CCBE1: variants seen among roughly 807,000 people sequenced by gnomAD.
The protein encoded by CCBE1 is collagen and calcium-binding EGF domain-containing protein 1.
CCBE1 carries 37 observed loss-of-function variants against 50.0 expected under a neutral mutation model. The observed-to-expected ratio is 0.74, with a 90% CI of 0.57 to 0.97. The LOEUF (loss-of-function observed/expected upper bound fraction) is 0.97. CCBE1 is among the 50% of genes least tolerant of loss of function. The pLI, the probability that CCBE1 is intolerant of heterozygous loss-of-function variation, is 0.00. For synonymous variants in CCBE1, 234 were observed against 203.7 expected (o/e 1.15, Z -1.27); for missense variants, 538 against 523.8 (o/e 1.03, Z -0.26).
At chr18:59,438,353 C>A (rs1210590694) in intron 9 of CCBE1, among the ~76,000 whole-genome samples, 1 of 152,218 alleles carries the variant, frequency 6.6e-6, no homozygotes, top group Non-Finnish European at 1.5e-5. Context: ...TGATTTCCCT[C>A]AAGCCCATCT....
intron 2 of CCBE1, among the ~76,000 whole-genome samples, chr18:59,634,960 A>G (rs915884324): frequency 4.6e-5 from 7 of 152,192 alleles, no homozygotes; most frequent in Non-Finnish European, 8.8e-5. Context: ...TAGAAACCCA[A>G]GAGAAAGAAG....
chr18:59,495,018 G>A (rs941823555), intron 2 of CCBE1, among the ~76,000 whole-genome samples: 20 of 152,158 alleles, frequency 1.3e-4, no homozygotes, highest in Non-Finnish European at 2.6e-4. Context: ...AGCGAGGCAT[G>A]TTGTCCCAGT....
intron 2 of CCBE1, among the ~76,000 whole-genome samples, chr18:59,539,157 T>C (rs905820461): frequency 2.7e-5 from 4 of 150,050 alleles, no homozygotes; most frequent in African/African-American, 7.4e-5. Context: ...TCCTGGGCTA[T>C]AGGGCAGGAC....
rs1004096755 is a variant in CCBE1, at chr18:59,461,556, G to A, written c.553+5183C>T. Among the ~76,000 whole-genome samples, 4 of 152,002 alleles carry A rather than the reference G, an allele frequency of 2.6e-5. 1 individual carries two copies. The East Asian group carries it at 7.7e-4, about 29-fold the overall frequency. On this transcript the variant is annotated intron_variant, in intron 5 of 10. Transcript: ENST00000439986. ...ATCAAATGCTAGTCCTCTGTGCATA[G>A]GTGATAAATTCAGTGGAGACAAATT...
chr18:59,437,583 T>G (rs973727125), intron 10 of CCBE1, among the ~76,000 whole-genome samples: 5 of 152,238 alleles, frequency 3.3e-5, no homozygotes, highest in African/African-American at 1.2e-4. Flanking sequence ...TGGTTTGAAT[T>G]TTCTATGCTT....
At chr18:59,641,444 T>G (rs1350251581) in intron 2 of CCBE1, among the ~76,000 whole-genome samples, 1 of 152,054 alleles carries the variant, frequency 6.6e-6, no homozygotes, top group Non-Finnish European at 1.5e-5. Context: ...TGGGGCCTGC[T>G]TGAGGGTGGA....
intron 2 of CCBE1, among the ~76,000 whole-genome samples, chr18:59,620,741 C>G (rs28581760): frequency 2.0e-5 from 3 of 152,168 alleles, no homozygotes; most frequent in Non-Finnish European, 4.4e-5. Context: ...CATCCCTTTG[C>G]TCTTCCTTCT....
At chr18:59,619,597 C>A (rs529396279) in intron 2 of CCBE1, among the ~76,000 whole-genome samples, 1 of 152,068 alleles carries the variant, frequency 6.6e-6, no homozygotes. Flanking sequence ...ATGATTTATC[C>A]GGCTCCATTT....
At chr18:59,686,510 A>G (rs1213160655) in intron 2 of CCBE1, among the ~76,000 whole-genome samples, 1 of 152,256 alleles carries the variant, frequency 6.6e-6, no homozygotes, top group African/African-American at 2.4e-5. Flanking sequence ...AAGACAAGCT[A>G]GAACAGCTTC....
chr18:59,563,074 C>T (rs62092934), intron 2 of CCBE1, among the ~76,000 whole-genome samples: 30,269 of 152,058 alleles, frequency 0.2, 3,083 homozygotes, highest in Non-Finnish European at 0.21. Context: ...TAGACTAGGA[C>T]GACAGAAGAG....
chr18:59,672,854 G>A (rs542006157), intron 2 of CCBE1, among the ~76,000 whole-genome samples: 4 of 152,292 alleles, frequency 2.6e-5, no homozygotes, highest in African/African-American at 7.2e-5. Context: ...CTGCGGTGGG[G>A]GGAAGGGTGG....
rs575819562 is a variant in CCBE1, at chr18:59,603,150, A to G, written c.212+93479T>C. On this transcript the variant is annotated intron_variant, in intron 2 of 10. Coordinates refer to ENST00000439986, the MANE Select transcript of CCBE1 (RefSeq NM_133459.4). The stretch of plus-strand genomic sequence containing the variant: ...AAAATCCAGTGTGTGTATCCGCCAT[A>G]GCCAAATGCTAATCATTTGCTCAGA... Among the ~76,000 whole-genome samples the G allele has an allele frequency of 1.7e-4, 26 of 152,374 alleles. 1 individual carries two copies. In the South Asian group the frequency reaches 5.2e-3, roughly 30 times the overall value.
intron 2 of CCBE1, among the ~76,000 whole-genome samples, chr18:59,626,907 A>G (rs986964129): frequency 1.3e-5 from 2 of 152,204 alleles, no homozygotes; most frequent in Non-Finnish European, 2.9e-5. Context: ...CTGGTCCTGA[A>G]CTTGTGCTCT....
At chr18:59,667,298 A>G (rs909101718) in intron 2 of CCBE1, among the ~76,000 whole-genome samples, 1 of 152,194 alleles carries the variant, frequency 6.6e-6, no homozygotes, top group African/African-American at 2.4e-5. Context: ...AAATAAAGTT[A>G]CAGGGTACAT....
chr18:59,583,085 C>T (rs2053109806), intron 2 of CCBE1, among the ~76,000 whole-genome samples: 2 of 152,196 alleles, frequency 1.3e-5, no homozygotes, highest in Admixed American at 6.5e-5. Context: ...TCCCAAAGTG[C>T]TGGGATTATA....
intron 2 of CCBE1, among the ~76,000 whole-genome samples, chr18:59,632,301 G>GT (rs1338179221): frequency 6.6e-6 from 1 of 152,078 alleles, no homozygotes; most frequent in Non-Finnish European, 1.5e-5. Context: ...GAACAATCTG[G>GT]TTTTTTTGAG....
intron 2 of CCBE1, among the ~76,000 whole-genome samples, chr18:59,504,684 A>G (rs1913788243): frequency 6.6e-6 from 1 of 152,156 alleles, no homozygotes; most frequent in South Asian, 2.1e-4. Context: ...TTGCATGGCA[A>G]ATGCTCTCAT....
intron 7 of CCBE1, among the ~76,000 whole-genome samples, 200 bp from the exon 8 acceptor site, chr18:59,440,016 G>A (rs771377083): frequency 9.9e-5 from 15 of 152,082 alleles, no homozygotes; most frequent in East Asian, 1.9e-4. Flanking sequence ...CTCTCTTTTC[G>A]CGGACTGCCA....
intron 2 of CCBE1, among the ~76,000 whole-genome samples, chr18:59,669,535 C>T (rs977514627): frequency 6.6e-6 from 1 of 152,246 alleles, no homozygotes; most frequent in African/African-American, 2.4e-5. Context: ...CTGGGGAACA[C>T]ATGGACATTG....
Sources: gnomAD v4.1 joint callset for allele counts (sites outside exome capture counted in the v4.1 genomes callset) on GRCh38, gnomAD v4.1.1 for gene constraint, MANE v1.5 for transcripts, NCBI Gene and HGNC (gene_info 2026-07-23, HGNC 2026-07-21) for gene names.